The following RSPH10B variants were observed in gnomAD, a reference collection of about 807,000 sequenced individuals.
RSPH10B encodes the protein radial spoke head 10 homolog B.
RSPH10B carries 7 observed loss-of-function variants against 52.5 expected under a neutral mutation model. The observed-to-expected ratio is 0.13, with a 90% CI of 0.08 to 0.25. The LOEUF (loss-of-function observed/expected upper bound fraction) is 0.25, where lower values mean the gene tolerates loss of function less well. Ranked by LOEUF, RSPH10B falls within the 10% of genes least tolerant of loss-of-function variation. The probability of loss-of-function intolerance (pLI) is 1.00; values close to 1 mark genes in which losing one functional copy is unlikely to be tolerated. For synonymous variants in RSPH10B, 28 were observed against 193.2 expected (o/e 0.14, Z 7.09); for missense variants, 89 against 542.5 (o/e 0.16, Z 8.30).
At chr7:5,941,645 G>A (rs1264374384) in intron 13 of RSPH10B, among the ~76,000 whole-genome samples, 1 of 146,014 alleles carries the variant, frequency 6.8e-6, no homozygotes, top group Non-Finnish European at 1.5e-5. Context: ...TCGGGAGGCT[G>A]AGGCAGGAGA....
rs1779386137 is a variant in RSPH10B at position 5,926,194 on chromosome 7, T to TG, written c.*173dup. The TG allele has an allele frequency of 8.0e-6, 4 of 501,366 alleles. No individual in the cohort carries two copies. In the African/African-American group the frequency reaches 8.4e-5, roughly 11 times the overall value. 31.1% of individuals were successfully genotyped at this position (501,366 alleles called of 1,614,324 possible). A position where few individuals can be genotyped will look rare whatever the true frequency, so the allele number is the denominator to read the frequency against. ...TTGCAGAGATGGGGGGGTCTCACTA[T>TG]GTTGCCCAGGCTGGTCTCGAACTCC... On this transcript the variant is annotated 3_prime_UTR_variant, in exon 19 of 19. Coordinates refer to ENST00000337579, the Ensembl canonical transcript of RSPH10B.
intron 15 of RSPH10B, among the ~76,000 whole-genome samples, chr7:5,937,108 ATT>A (rs1387363627): frequency 1.5e-5 from 1 of 65,000 alleles, no homozygotes; most frequent in Non-Finnish European, 3.7e-5. Flanking sequence ...AAAAAAAAGA[ATT>A]AGCTGGGTGT....
chr7:5,970,802 G>GGA (rs1781291837), upstream of RSPH10B: 1 of 115,604 alleles, frequency 8.7e-6, no homozygotes, highest in Non-Finnish European at 1.9e-5. Context: ...GAAGGCCGGG[G>GGA]GAAAGGCTGG....
chr7:5,933,676 C>T (rs1261046869), intron 16 of RSPH10B, among the ~76,000 whole-genome samples: 5 of 134,482 alleles, frequency 3.7e-5, no homozygotes, highest in South Asian at 4.6e-4. Flanking sequence ...AGGAGAATGG[C>T]GTGAACCCGG....
chr7:5,947,477 G>A (rs1196649798), intron 10 of RSPH10B, among the ~76,000 whole-genome samples: 1 of 39,012 alleles, frequency 2.6e-5, no homozygotes, highest in Non-Finnish European at 4.9e-5. Flanking sequence ...ACTTTGGGAG[G>A]CCAAGGCGGG....
intron 18 of RSPH10B, among the ~76,000 whole-genome samples, chr7:5,927,743 CT>C (rs1779577966): frequency 1.4e-5 from 2 of 147,134 alleles, no homozygotes; most frequent in Admixed American, 1.4e-4. Context: ...CGAGACCAGC[CT>C]GGACAACCTG....
intron 13 of RSPH10B, among the ~76,000 whole-genome samples, chr7:5,942,161 T>G (rs1780228883): frequency 6.8e-6 from 1 of 147,404 alleles, no homozygotes; most frequent in Non-Finnish European, 1.5e-5. Context: ...TCCAAAGTCC[T>G]TCCTTTTTAA....
intron 16 of RSPH10B, among the ~76,000 whole-genome samples, chr7:5,933,199 G>C (rs1441534771): frequency 1.2e-5 from 1 of 85,370 alleles, no homozygotes; most frequent in Non-Finnish European, 2.6e-5. Flanking sequence ...TGTATTTTTA[G>C]TAGAGATGGG....
At chr7:5,930,964 C>G (rs1167678194) in intron 17 of RSPH10B, among the ~76,000 whole-genome samples, 1 of 91,228 alleles carries the variant, frequency 1.1e-5, no homozygotes, top group Non-Finnish European at 2.4e-5. Context: ...GATATGGAGT[C>G]TCACTGTCAC....
intron 18 of RSPH10B, among the ~76,000 whole-genome samples, chr7:5,927,844 G>C (rs1295164113): frequency 4.1e-5 from 6 of 146,640 alleles, no homozygotes; most frequent in African/African-American, 1.5e-4. Context: ...GCTGAGGCAA[G>C]AGAATCGCTT....
At chr7:5,927,113 A>G (rs1355219237) in intron 18 of RSPH10B, among the ~76,000 whole-genome samples, 1 of 106,414 alleles carries the variant, frequency 9.4e-6, no homozygotes, top group South Asian at 3.1e-4. Flanking sequence ...TTTTTTTGAG[A>G]TAGGGTCTTA....
chr7:5,932,365 A>C (rs1450739026), intron 17 of RSPH10B, among the ~76,000 whole-genome samples: 2 of 119,796 alleles, frequency 1.7e-5, no homozygotes, highest in African/African-American at 3.2e-5. Context: ...GTTGCCTGTA[A>C]GAAAACAATG....
chr7:5,928,988 G>A (rs1779677609), intron 17 of RSPH10B, among the ~76,000 whole-genome samples: 1 of 145,752 alleles, frequency 6.9e-6, no homozygotes, highest in Non-Finnish European at 1.5e-5. Flanking sequence ...CATGTTTCAA[G>A]AATAAAAAAA....
Position 5,940,923 on chromosome 7 carries a change from A to AAAT in RSPH10B, c.1759-2097_1759-2095dup, listed in dbSNP as rs76986048. Among the ~76,000 whole-genome samples, 87 of 77,106 alleles carry AAAT rather than the reference A, an allele frequency of 1.1e-3. 3 individuals are homozygous for AAAT. The highest frequency in any genetic ancestry group is 1.6e-3 in the Non-Finnish European group (57 of 35,928). The allele number at this position is 77,106 out of a possible 152,430, so 50.6% of individuals were successfully genotyped here. A position where few individuals can be genotyped will look rare whatever the true frequency, so the allele number is the denominator to read the frequency against. ...CCTGGGCGACAGAGCAAGACTGTCA[A>AAAT]AATAATAATAATAATAATAATTATT... On this transcript the variant is annotated intron_variant, in intron 13 of 18. Transcript: ENST00000337579.
chr7:5,970,300 CCTTTACTACGAG>C (rs1201721226), upstream of RSPH10B: 2 of 84,966 alleles, frequency 2.4e-5, no homozygotes, highest in Admixed American at 1.2e-4. Flanking sequence ...TTTAGAGGGG[CCTTTACTACGAG>C]CTTTTCGGTC....
intron 7 of RSPH10B, among the ~76,000 whole-genome samples, chr7:5,953,851 G>GA: frequency 6.9e-6 from 1 of 144,428 alleles, no homozygotes; most frequent in African/African-American, 2.5e-5. Context: ...CAGACTCCCT[G>GA]ATTTTTTTTT....
At chr7:5,927,078 G>GTGTGTATATATATA (rs1779519441) in intron 18 of RSPH10B, among the ~76,000 whole-genome samples, 3 of 129,790 alleles carry the variant, frequency 2.3e-5, no homozygotes, top group Non-Finnish European at 1.7e-5. Context: ...ATATGTGTGT[G>GTGTGTATATATATA]TGTGTGTGTG....
chr7:5,945,843 TTG>T (rs772009094), intron 10 of RSPH10B, among the ~76,000 whole-genome samples: 115 of 678 alleles, frequency 0.17, no homozygotes, highest in Middle Eastern at 0.5. Flanking sequence ...ACTTCCAAAG[TTG>T]TTAAATTGAT....
At chr7:5,937,338 T>G (rs1204752760) in intron 15 of RSPH10B, among the ~76,000 whole-genome samples, 4 of 140,872 alleles carry the variant, frequency 2.8e-5, no homozygotes, top group Non-Finnish European at 4.9e-5. Context: ...AAAGCCAAGA[T>G]AGTTTTGATG....
Sources: gnomAD v4.1 joint callset for allele counts (sites outside exome capture counted in the v4.1 genomes callset) on GRCh38, gnomAD v4.1.1 for gene constraint, MANE v1.5 for transcripts, NCBI Gene and HGNC (gene_info 2026-07-23, HGNC 2026-07-21) for gene names.